The following NOP2 variants were observed in gnomAD, a reference collection of about 807,000 sequenced individuals.
NOP2 encodes the protein 28S rRNA (cytosine(4447)-C(5))-methyltransferase.
NOP2 carries 7 observed loss-of-function variants against 72.7 expected under a neutral mutation model. The observed-to-expected ratio is 0.10, with a 90% CI of 0.05 to 0.18. The LOEUF is 0.18. Among genes scored for constraint, NOP2 ranks in the 10% least tolerant of loss-of-function variants. NOP2 has a pLI of 1.00. For missense variants in NOP2, 954 were observed against 1,014.7 expected (o/e 0.94, Z 0.81); for synonymous variants, 387 against 388.0 (o/e 1.00, Z 0.03).
Position 6,563,910 on chromosome 12 carries a change from C to G in NOP2, c.511G>C (p.Ala171Pro). 1 of 1,613,810 alleles carries G rather than the reference C, an allele frequency of 6.2e-7. No homozygotes were observed. The highest frequency in any genetic ancestry group is 8.5e-7 in the Non-Finnish European group (1 of 1,179,818). Residue 171 changes from alanine to proline, a missense_variant, in exon 6 of 16, where the codon GCC (alanine) becomes CCC (proline). By Grantham distance (27) the Ala-to-Pro change is conservative (BLOSUM62 -1). Around this residue, in one of 3 missense-constraint regions of NOP2, gnomAD observed 498 missense variants for 478.3 expected, o/e 1.04. Transcript: ENST00000322166. Reference sequence around the variant, plus strand: ...ACTCACCCAGCAGCAGCTTCCCGGGCCTTCTGCTTCCGAGCAGCTCTTTCA... The same window carrying G: ...ACTCACCCAGCAGCAGCTTCCCGGGGCTTCTGCTTCCGAGCAGCTCTTTCA... ...PIERAARKQK[A>P]REAAAGIQWS... is the part of the protein sequence containing the mutation.
At chr12:6,566,953 T>C in intron 2 of NOP2, 131 bp from the exon 3 acceptor site, 1 of 747,654 alleles carries the variant, frequency 1.3e-6, no homozygotes. Context: ...AGCCCTGTTA[T>C]TATTTAATAA....
At chr12:6,563,833 A>G in intron 6 of NOP2, 58 bp downstream of exon 6, 1 of 1,612,860 alleles carries the variant, frequency 6.2e-7, no homozygotes, top group Non-Finnish European at 8.5e-7. Context: ...CTCCTTCCTC[A>G]CAGCTTCCCC....
In NOP2 at chr12:6,560,627, T is replaced by C; in HGVS notation, c.1438-58A>G. ...GGAGGAGAGGGGAGCCCAGAGGGTG[T>C]CCCCATCTCAGTTTCCAGCTCTACG... On this transcript the variant is annotated intron_variant, in intron 13 of 15. Transcript: ENST00000322166. The surrounding 1 kb of genome is among the most constrained non-coding windows in gnomAD (Gnocchi z 5.0). The C allele has an allele frequency of 2.5e-6, 4 of 1,608,220 alleles. No homozygotes were observed. In the Admixed American group the frequency reaches 5.0e-5, roughly 20 times the overall value.
At chr12:6,558,256 T>A (rs67621679) in intron 15 of NOP2, 55,508 of 280,100 alleles carry the variant, frequency 0.2, 8,027 homozygotes, top group African/African-American at 0.49. Flanking sequence ...GAAGAGGTGA[T>A]TCTCAGGGTT....
chr12:6,563,563 C>T, intron 7 of NOP2, 49 bp from the exon 8 acceptor site: 2 of 1,608,726 alleles, frequency 1.2e-6, no homozygotes, highest in Non-Finnish European at 1.7e-6. Context: ...CCTGGAAATC[C>T]CTCTCCCAAC....
In NOP2 at chr12:6,557,202, C is replaced by T. The variant is rs1947505575; in HGVS notation, c.2230G>A (p.Asp744Asn). The T allele has an allele frequency of 1.9e-6, 3 of 1,613,790 alleles. No homozygotes were observed. Among genetic ancestry groups the T allele is most frequent in the African/African-American group, 1.3e-5 (1 of 74,888 alleles). ...GCCCTTCCAAGGGGCTGATGATGGT[C>T]CTTAGGTTTCAGGGTGGCCTGAGTC... ...SKTQATLKPK[D>N]HHQPLGRAKG... The change falls in exon 16 of 16, where the codon GAC becomes AAC. Residue 744 changes from aspartate (D) to asparagine (N), a missense_variant. Around this residue, in one of 3 missense-constraint regions of NOP2, gnomAD observed 269 missense variants for 260.2 expected, o/e 1.03. Coordinates refer to ENST00000322166, the MANE Select transcript of NOP2 (RefSeq NM_001258308.2).
chr12:6,563,707 C>T lies in NOP2; in HGVS notation c.595G>A (p.Gly199Ser). 1 of 1,613,678 alleles carries T rather than the reference C, an allele frequency of 6.2e-7. No homozygotes were observed. Among genetic ancestry groups the T allele is most frequent in the East Asian group, 2.2e-5 (1 of 44,874 alleles). ...TCTGCCTCTTCCACCTTTGGGGGGC[C>T]TGACTCAGGGGTCACTTCTTTCTCT... ...EEEKEVTPES[G>S]PPKVEEADGG... Residue 199 changes from glycine to serine, a missense_variant, in exon 7 of 16, where the codon GGC becomes AGC. Physicochemically the swap from Gly to Ser is moderately conservative, Grantham distance 56. Coordinates refer to ENST00000322166, the MANE Select transcript of NOP2 (RefSeq NM_001258308.2).
intron 15 of NOP2, among the ~76,000 whole-genome samples, chr12:6,559,085 G>C (rs1032533913): frequency 1.3e-5 from 2 of 151,844 alleles, no homozygotes; most frequent in South Asian, 2.1e-4. Context: ...AGCCTCCTGA[G>C]TAGTTGGGAC....
At chr12:6,565,759 G>A (rs1418281511) in intron 5 of NOP2, among the ~76,000 whole-genome samples, 2 of 152,178 alleles carry the variant, frequency 1.3e-5, no homozygotes, top group Non-Finnish European at 2.9e-5. Context: ...ACAGATGTGA[G>A]GCACCATACC....
intron 15 of NOP2, among the ~76,000 whole-genome samples, chr12:6,558,600 CTTTA>C (rs1331833102): frequency 1.1e-3 from 168 of 149,676 alleles, no homozygotes; most frequent in Non-Finnish European, 2.0e-3. Flanking sequence ...AAGCACTAGG[CTTTA>C]TTTATCTTTT....
In NOP2 at chr12:6,564,435, CA is replaced by C. The variant is rs371789536; in HGVS notation, c.475-490del. 5.5e-4 allele frequency: 91 copies of C among 164,264 alleles called. 1 individual carries two copies. In the East Asian group the frequency reaches 0.014, roughly 25 times the overall value. The allele number at this position is 164,264 out of a possible 1,614,324, so 10.2% of individuals were successfully genotyped here. On this transcript the variant is annotated intron_variant, in intron 5 of 15. Transcript: ENST00000322166. ...AAATGGCCCTTGACTACCATTCTGC[CA>C]TATTTTTTTTGAGAGAAGTCTCGCT...
intron 4 of NOP2, 78 bp downstream of exon 4, chr12:6,566,451 G>A (rs895060450): frequency 1.4e-5 from 22 of 1,528,720 alleles, no homozygotes; most frequent in Non-Finnish European, 1.8e-5. Flanking sequence ...TTTCACTCCG[G>A]AAATGTTTAG....
intron 5 of NOP2, 76 bp from the exon 6 acceptor site, chr12:6,564,022 A>C: frequency 6.4e-7 from 1 of 1,555,588 alleles, no homozygotes; most frequent in Non-Finnish European, 8.7e-7. Context: ...TCTATATCTT[A>C]TTTTTTCGCT....
Position 6,563,933 on chromosome 12 carries a change from T to A in NOP2, c.488A>T (p.Glu163Val). ...EEEGEALLPI[E>V]RAARKQKARE... ...GGCCTTCTGCTTCCGAGCAGCTCTT[T>A]CAATGGGCAGCAACTGAAGAGAGAC... The change falls in exon 6 of 16, where the codon GAA (glutamate) becomes GTA (valine). Residue 163 changes from glutamate (E) to valine (V), a missense_variant. Transcript: ENST00000322166. The A allele has an allele frequency of 6.2e-7, 1 of 1,613,520 alleles. No individual in the cohort carries two copies. Among genetic ancestry groups the A allele is most frequent in the East Asian group, 2.2e-5 (1 of 44,880 alleles).
rs200739797 is a variant in NOP2, at chr12:6,557,483, A to G, written c.1949T>C (p.Leu650Pro). The change falls in exon 16 of 16, where the codon CTG (leucine) becomes CCG (proline). Residue 650 changes from leucine to proline, a missense_variant. Around this residue, in one of 3 missense-constraint regions of NOP2, gnomAD observed 269 missense variants for 260.2 expected, o/e 1.03. Transcript: ENST00000322166. ...GTCTGCCCCTTTGGAGATGCCATTC[A>G]GCTTCTGGAAGGAGGCCTTCTTGGG... ...QHPKKASFQK[L>P]NGISKGADSE... 2.8e-4 allele frequency: 445 copies of G among 1,613,934 alleles called. No homozygotes were observed. The highest frequency in any genetic ancestry group is 3.5e-4 in the Non-Finnish European group (409 of 1,179,878).
chr12:6,561,293 T>C (rs1282155718), intron 11 of NOP2, among the ~76,000 whole-genome samples: 1 of 152,212 alleles, frequency 6.6e-6, no homozygotes, highest in African/African-American at 2.4e-5. Flanking sequence ...ACCTATGTGG[T>C]CCTACATACT....
rs772000467 is a variant in NOP2 at position 6,557,407 on chromosome 12, G to A, written c.2025C>T (p.Ser675=). 1.2e-5 allele frequency: 19 copies of A among 1,613,942 alleles called. No homozygotes were observed. Among genetic ancestry groups the A allele is most frequent in the South Asian group, 3.3e-5 (3 of 91,090 alleles). ...PSVTKTQASS[S]FQDSSQPAGK... ...CAGCTGGCTGACTGCTATCCTGGAA[G>A]CTGGAGGAAGCTTGGGTCTTTGTGA... Residue 675 remains serine (S), a synonymous_variant, in exon 16 of 16, where the codon AGC becomes AGT. Coordinates refer to ENST00000322166, the MANE Select transcript of NOP2 (RefSeq NM_001258308.2).
rs1947779304 is a variant in NOP2, at chr12:6,566,348, A to T, written c.239-12T>A. 6.2e-7 allele frequency: 1 copy of T among 1,606,586 alleles called. No homozygotes were observed. The highest frequency in any genetic ancestry group is 1.7e-5 in the Admixed American group (1 of 59,482). On this transcript the variant is annotated splice_polypyrimidine_tract_variant and intron_variant, in intron 4 of 15. Coordinates refer to ENST00000322166, the MANE Select transcript of NOP2 (RefSeq NM_001258308.2). ...TCCTGCAGAGATCCCTAAGGGTTTG[A>T]AGAGTCCTGGACTAATGGCAGCCAC...
chr12:6,561,677 C>T lies in NOP2; in HGVS notation c.1194G>A (p.Lys398=). 2 of 1,613,828 alleles carry T rather than the reference C, an allele frequency of 1.2e-6. No homozygotes were observed. The highest frequency in any genetic ancestry group is 1.7e-6 in the Non-Finnish European group (2 of 1,179,800). The change falls in exon 11 of 16, where the codon AAG becomes AAA. Residue 398 remains lysine (K), a synonymous_variant. Coordinates refer to ENST00000322166, the MANE Select transcript of NOP2 (RefSeq NM_001258308.2). ...ILDMCCAPGG[K]TSYMAQLMKN... is the part of the protein sequence containing the mutation. ...CCCCTCTCATACCCATGTAGCTGGT[C>T]TTTCCTCCAGGGGCACAACACATGT... is the stretch of plus-strand genomic sequence containing the variant.
Sources: gnomAD v4.1 joint callset for allele counts (sites outside exome capture counted in the v4.1 genomes callset) on GRCh38, gnomAD v4.1.1 for gene constraint, gnomAD v4.1.1 regional missense constraint, Gnocchi (gnomAD v3.1) non-coding constraint, MANE v1.5 for transcripts, NCBI Gene and HGNC (gene_info 2026-07-23, HGNC 2026-07-21) for gene names.